PAN2: variants seen among roughly 807,000 people sequenced by gnomAD.
PAN2 encodes the protein PAN2-PAN3 deadenylation complex catalytic subunit PAN2.
In PAN2, 68 loss-of-function variants were observed where a neutral mutation model predicts 133.3. The observed-to-expected ratio is 0.51, with a 90% CI of 0.42 to 0.62. PAN2 has a LOEUF of 0.62. PAN2 is among the 20% of genes least tolerant of loss of function. The pLI is 0.00. For missense variants in PAN2, 1,042 were observed against 1,500.5 expected, an observed-to-expected ratio of 0.69 and a Z score of 5.05; for synonymous variants, 462 against 544.6, an observed-to-expected ratio of 0.85 and a Z score of 2.11.
intron 20 of PAN2, among the ~76,000 whole-genome samples, chr12:56,320,873 G>A (rs1355598031): frequency 6.7e-6 from 1 of 149,658 alleles, no homozygotes; most frequent in Non-Finnish European, 1.5e-5. Context: ...GACCAACCTG[G>A]CCAACATGGT....
At chr12:56,325,892 C>T (rs147258232) in intron 8 of PAN2, among the ~76,000 whole-genome samples, 1 of 152,322 alleles carries the variant, frequency 6.6e-6, no homozygotes, top group East Asian at 1.9e-4. Context: ...GAGATCTTTA[C>T]TAACACTCTT....
intron 10 of PAN2, 78 bp from the exon 11 acceptor site, chr12:56,324,787 T>C (rs951505223): frequency 2.0e-6 from 3 of 1,527,238 alleles, no homozygotes; most frequent in Admixed American, 2.1e-5. Flanking sequence ...AGTGAGCTGG[T>C]GGAGAAAATG....
At chr12:56,322,033 C>T in intron 20 of PAN2, 45 bp downstream of exon 20, 1 of 1,016,130 alleles carries the variant, frequency 9.8e-7, no homozygotes, top group Non-Finnish European at 1.5e-6. Context: ...CCCTGAAGCC[C>T]AATCTAAACT....
At chr12:56,332,632 G>T in intron 2 of PAN2, 181 bp downstream of exon 2, 15 of 544,988 alleles carry the variant, frequency 2.8e-5, no homozygotes, top group Middle Eastern at 5.1e-4. Flanking sequence ...GATGCCTCCT[G>T]AGAAAGAATA....
chr12:56,322,313 A>T (rs911064989), intron 19 of PAN2, 110 bp downstream of exon 19: 48 of 1,102,998 alleles, frequency 4.4e-5, no homozygotes, highest in Non-Finnish European at 2.8e-6. Context: ...ATTCCTGAGG[A>T]TTCCTTCCTC....
At chr12:56,328,393 CT>C in intron 3 of PAN2, 35 bp from the exon 4 acceptor site, 2 of 1,596,446 alleles carry the variant, frequency 1.3e-6, no homozygotes, top group Non-Finnish European at 1.7e-6. Context: ...GGGCCCAGGC[CT>C]TACAAGCTGC....
intron 10 of PAN2, 31 bp downstream of exon 10, chr12:56,324,978 C>T (rs770908571): frequency 6.2e-6 from 10 of 1,610,572 alleles, no homozygotes; most frequent in South Asian, 2.2e-5. Context: ...GCAGCAGGCA[C>T]GTTCAAGTTA....
At chr12:56,320,636 C>T (rs1360858443) in intron 20 of PAN2, among the ~76,000 whole-genome samples, 1 of 151,284 alleles carries the variant, frequency 6.6e-6, no homozygotes, top group South Asian at 2.1e-4. Context: ...AAGAGCGAAA[C>T]TCTGTCTCAA....
chr12:56,332,412 G>A (rs573453301), intron 2 of PAN2, among the ~76,000 whole-genome samples: 2 of 152,026 alleles, frequency 1.3e-5, no homozygotes, highest in South Asian at 4.2e-4. Flanking sequence ...GACAAGCCTG[G>A]GCAACATAGT....
chr12:56,332,643 T>A, intron 2 of PAN2, 170 bp downstream of exon 2: 1 of 622,794 alleles, frequency 1.6e-6, no homozygotes, highest in Non-Finnish European at 2.8e-6. Flanking sequence ...AGAAAGAATA[T>A]GTCATTTACT....
intron 2 of PAN2, among the ~76,000 whole-genome samples, chr12:56,331,181 T>C (rs1875798524): frequency 6.6e-6 from 1 of 152,168 alleles, no homozygotes; most frequent in Admixed American, 6.5e-5. Context: ...ACCTAGACCT[T>C]AGGGCAAGGT....
rs2135949616 is a variant in PAN2 at position 56,319,222 on chromosome 12, C to CTATAATT, written c.3271-48_3271-42dup. On this transcript the variant is annotated intron_variant, in intron 23 of 25. Transcript: ENST00000440411. This position sits in a 1 kb window ranked among gnomAD's most constrained non-coding sequence, Gnocchi z 5.4. ...GAGGGGGAGACTTAAGGTAGGGGAC[C>CTATAATT]TATAATTCCCCATTCTCTAAAGGCA... is the stretch of plus-strand genomic sequence containing the variant. The CTATAATT allele has an allele frequency of 1.2e-6, 2 of 1,613,906 alleles. No homozygotes were observed. The highest frequency in any genetic ancestry group is 1.7e-6 in the Non-Finnish European group (2 of 1,179,916).
Position 56,322,704 on chromosome 12 carries a change from C to G in PAN2, c.2548G>C (p.Ala850Pro). ...EHGVYVYDLM[A>P]TVVHILDSRT... is the part of the protein sequence containing the mutation. Reference sequence around the variant, plus strand: ...GAGTCCAGGATGTGTACCACAGTAGCCATCAGGTCATACACATAGACACCA... The same window carrying G: ...GAGTCCAGGATGTGTACCACAGTAGGCATCAGGTCATACACATAGACACCA... Residue 850 changes from alanine (A) to proline (P), a missense_variant, in exon 18 of 26, where the codon GCT (alanine) becomes CCT (proline). By Grantham distance (27) the Ala-to-Pro change is conservative. This residue lies in a region of PAN2 where 908 missense variants were observed against 1,223.5 expected (regional missense o/e 0.74). Transcript: ENST00000440411. 1 of 1,614,076 alleles carries G rather than the reference C, an allele frequency of 6.2e-7. No individual in the cohort carries two copies. Among genetic ancestry groups the G allele is most frequent in the Non-Finnish European group, 8.5e-7 (1 of 1,179,958 alleles).
intron 2 of PAN2, among the ~76,000 whole-genome samples, chr12:56,332,434 A>AT (rs1398911031): frequency 1.4e-4 from 21 of 152,074 alleles, no homozygotes; most frequent in Non-Finnish European, 1.8e-4. Flanking sequence ...AGACTAAAAA[A>AT]TTTTTTAAAA....
Position 56,324,330 on chromosome 12 carries a change from AGCTCCT to A in PAN2, c.1886_1891del (p.Gln629_Glu630del). 1 of 1,614,082 alleles carries A rather than the reference AGCTCCT, an allele frequency of 6.2e-7. No individual in the cohort carries two copies. The highest frequency in any genetic ancestry group is 8.5e-7 in the Non-Finnish European group (1 of 1,180,028). On this transcript the variant is annotated inframe_deletion, in exon 12 of 26. Coordinates refer to ENST00000440411, the MANE Select transcript of PAN2 (RefSeq NM_014871.6). Reference sequence around the variant, plus strand: ...ACCTCGATAAGCCTGTGGTATTTCCAGCTCCTGCATATCTTGATGCAGTTGAGTGAG... The same window carrying A: ...ACCTCGATAAGCCTGTGGTATTTCCAGCATATCTTGATGCAGTTGAGTGAG...
intron 15 of PAN2, 24 bp from the exon 16 acceptor site, chr12:56,323,408 A>G (rs1874777684): frequency 6.2e-7 from 1 of 1,611,048 alleles, no homozygotes; most frequent in African/African-American, 1.3e-5. Context: ...AAAAACATCC[A>G]GTTCTTCAGG....
intron 5 of PAN2, 28 bp from the exon 6 acceptor site, chr12:56,327,659 A>G: frequency 6.2e-7 from 1 of 1,609,724 alleles, no homozygotes; most frequent in South Asian, 1.1e-5. Flanking sequence ...AGTTATCTGC[A>G]AATTCTGTTA....
Position 56,326,430 on chromosome 12 carries a change from A to G in PAN2, c.1263-21T>C, listed in dbSNP as rs1258739325. ...CTCGCCTACAATCCAGCATAGTTCT[A>G]GGACTTAAAGAGTTGTGGTGTACAC... On this transcript the variant is annotated intron_variant, in intron 7 of 25. Transcript: ENST00000440411. The G allele has an allele frequency of 3.8e-6, 6 of 1,565,270 alleles. No homozygotes were observed. In the African/African-American group the frequency reaches 6.7e-5, roughly 18 times the overall value.
intron 25 of PAN2, 62 bp from the exon 26 acceptor site, chr12:56,317,705 C>G: frequency 7.1e-7 from 1 of 1,416,490 alleles, no homozygotes; most frequent in Non-Finnish European, 1.0e-6. Context: ...TCTTCTCATA[C>G]TTCCTATGAA....
Sources: allele counts gnomAD v4.1 joint callset (sites outside exome capture counted in the v4.1 genomes callset), GRCh38; gene constraint gnomAD v4.1.1; regional missense constraint gnomAD v4.1.1; non-coding constraint Gnocchi (gnomAD v3.1); transcripts MANE v1.5; gene names NCBI Gene and HGNC (gene_info 2026-07-23, HGNC 2026-07-21).